EIF4B: variants seen among roughly 807,000 people sequenced by gnomAD.
EIF4B encodes eukaryotic translation initiation factor 4B.
Under a neutral mutation model 79.3 loss-of-function variants are expected in EIF4B, and 8 were observed. The observed-to-expected ratio is 0.10, with a 90% confidence interval of 0.06 to 0.18. EIF4B has a LOEUF of 0.18. EIF4B is among the 10% of genes least tolerant of loss of function. The pLI, the probability that EIF4B is intolerant of heterozygous loss-of-function variation, is 1.00. For missense variants in EIF4B, 515 were observed against 792.4 expected, an observed-to-expected ratio of 0.65 and a Z score of 4.20; for synonymous variants, 238 against 274.7, an observed-to-expected ratio of 0.87 and a Z score of 1.32.
intron 3 of EIF4B, 135 bp downstream of exon 3, chr12:53,019,141 G>A: frequency 2.8e-6 from 3 of 1,090,312 alleles, no homozygotes; most frequent in Non-Finnish European, 3.9e-6. Flanking sequence ...GCTCACGCCT[G>A]TAATCCCAGC....
chr12:53,017,252 C>CAA (rs57053490), intron 2 of EIF4B, among the ~76,000 whole-genome samples: 1 of 143,100 alleles, frequency 7.0e-6, no homozygotes. Context: ...GACTCCATCT[C>CAA]AAAAAAAAAA....
At chr12:53,022,352 C>A in intron 5 of EIF4B, 141 bp from the exon 6 acceptor site, 1 of 1,226,276 alleles carries the variant, frequency 8.2e-7, no homozygotes, top group Non-Finnish European at 1.2e-6. Flanking sequence ...GGAGCATGTA[C>A]TTATGGGGCC....
chr12:53,026,028 G>A (rs1273452441), intron 6 of EIF4B, among the ~76,000 whole-genome samples: 5 of 152,130 alleles, frequency 3.3e-5, no homozygotes, highest in Non-Finnish European at 5.9e-5. Flanking sequence ...GGACCCGGGA[G>A]GTGGAGGTTG....
chr12:53,020,097 A>AT, intron 4 of EIF4B, 71 bp downstream of exon 4: 1 of 1,321,468 alleles, frequency 7.6e-7, no homozygotes, highest in African/African-American at 1.5e-5. Flanking sequence ...TCAAACTGGT[A>AT]TTTTTTAGGT....
chr12:53,008,663 A>G (rs555502004), intron 1 of EIF4B: 2 of 152,368 alleles, frequency 1.3e-5, no homozygotes, highest in South Asian at 2.1e-4. Context: ...AGAACTAACT[A>G]TAGAATGAGG....
At chr12:53,030,523 G>A (rs1304660384) in intron 8 of EIF4B, among the ~76,000 whole-genome samples, 2 of 139,926 alleles carry the variant, frequency 1.4e-5, no homozygotes, top group Non-Finnish European at 1.5e-5. Flanking sequence ...CCAGGTTCAA[G>A]TGATTCTCCT....
Position 53,027,767 on chromosome 12 carries a change from G to C in EIF4B, c.668-15G>C. The C allele has an allele frequency of 1.2e-6, 2 of 1,609,440 alleles. No homozygotes were observed. Among genetic ancestry groups the C allele is most frequent in the South Asian group, 1.1e-5 (1 of 90,956 alleles). ...CAGAGAAAAGGGGATGGTGTTACTT[G>C]TCTGTTTCCTCTAGAGTATCGAGAT... On this transcript the variant is annotated splice_polypyrimidine_tract_variant and intron_variant, in intron 6 of 14. Transcript: ENST00000262056.
At chr12:53,020,744 AATTG>A (rs1943234924) in intron 4 of EIF4B, among the ~76,000 whole-genome samples, 1 of 152,198 alleles carries the variant, frequency 6.6e-6, no homozygotes, top group South Asian at 2.1e-4. Context: ...GCTGCCTCAT[AATTG>A]ATTACCATCA....
At chr12:53,022,696 G>T in intron 6 of EIF4B, 69 bp downstream of exon 6, 1 of 1,538,386 alleles carries the variant, frequency 6.5e-7, no homozygotes, top group South Asian at 1.2e-5. Context: ...GGACAAATGT[G>T]TTACAGATGA....
At chr12:53,039,461 C>T in intron 13 of EIF4B, 118 bp downstream of exon 13, 1 of 1,211,060 alleles carries the variant, frequency 8.3e-7, no homozygotes. Flanking sequence ...CTAAAGTCAG[C>T]CAACGTAGAC....
At position 53,022,747 on chromosome 12, in the gene EIF4B, GAA is replaced by G. The variant is rs1287885969; in HGVS notation, c.667+124_667+125del. The G allele has an allele frequency of 2.4e-6, 3 of 1,275,706 alleles. No homozygotes were observed. In the South Asian group the frequency reaches 7.1e-5, roughly 30 times the overall value. 79.0% of individuals were successfully genotyped at this position (1,275,706 alleles called of 1,614,324 possible). A position where few individuals can be genotyped will look rare whatever the true frequency, so the allele number is the denominator to read the frequency against. On this transcript the variant is annotated intron_variant, in intron 6 of 14. Coordinates refer to ENST00000262056, the MANE Select transcript of EIF4B (RefSeq NM_001417.7). The stretch of plus-strand genomic sequence containing the variant: ...AGATAGAAGGAGGAAAGCAGATTAA[GAA>G]AAATTTTGGATAGTATCTGAAAGAA...
At chr12:53,010,269 A>C (rs1014699690) in intron 1 of EIF4B, among the ~76,000 whole-genome samples, 5 of 152,222 alleles carry the variant, frequency 3.3e-5, no homozygotes. Context: ...ACGGGGGTCA[A>C]GATGGTGGAG....
In EIF4B at chr12:53,022,534, T is replaced by G; in HGVS notation, c.574T>G (p.Ser192Ala). Residue 192 changes from serine (S) to alanine (A), a missense_variant, in exon 6 of 15, where the codon TCT becomes GCT. Physicochemically the swap from Ser to Ala is moderately conservative, Grantham distance 99. This residue lies in a region of EIF4B where 187 missense variants were observed against 256.5 expected (regional missense o/e 0.73). Coordinates refer to ENST00000262056, the MANE Select transcript of EIF4B (RefSeq NM_001417.7). Reference sequence around the variant, plus strand: ...TTTTGGCCGTGATAGAAATCGGGATTCTGACAAAACAGATACAGACTGGAG... The same window carrying G: ...TTTTGGCCGTGATAGAAATCGGGATGCTGACAAAACAGATACAGACTGGAG... ...RSFGRDRNRD[S>A]DKTDTDWRAR... is the part of the protein sequence containing the mutation. 1 of 1,613,420 alleles carries G rather than the reference T, an allele frequency of 6.2e-7. No individual in the cohort carries two copies.
chr12:53,013,505 G>A (rs1943099009), intron 1 of EIF4B: 1 of 152,188 alleles, frequency 6.6e-6, no homozygotes, highest in African/African-American at 2.4e-5. Flanking sequence ...TTGCATATGA[G>A]GCTGGGCACA....
chr12:53,030,330 A>G (rs556447710), intron 8 of EIF4B, among the ~76,000 whole-genome samples: 25 of 148,852 alleles, frequency 1.7e-4, no homozygotes, highest in African/African-American at 4.4e-4. Context: ...CAGTTAGCCA[A>G]GGTCTCATTT....
chr12:53,016,366 A>T, intron 1 of EIF4B, 107 bp from the exon 2 acceptor site: 1 of 1,411,826 alleles, frequency 7.1e-7, no homozygotes, highest in South Asian at 1.3e-5. Context: ...CCATTTGAGG[A>T]GCGTCCATGT....
intron 3 of EIF4B, among the ~76,000 whole-genome samples, chr12:53,019,441 T>TTC (rs1943206703): frequency 9.2e-6 from 1 of 108,364 alleles, no homozygotes; most frequent in Non-Finnish European, 1.8e-5. Flanking sequence ...ATATATATTT[T>TTC]TTTTTTTTCT....
At chr12:53,037,697 T>G in intron 11 of EIF4B, 75 bp downstream of exon 11, 20 of 1,510,714 alleles carry the variant, frequency 1.3e-5, no homozygotes, top group Non-Finnish European at 1.7e-5. Context: ...GAAGATCTCC[T>G]ACGGGATGCC....
intron 9 of EIF4B, 122 bp downstream of exon 9, chr12:53,034,156 A>G: frequency 3.1e-6 from 3 of 981,198 alleles, no homozygotes; most frequent in South Asian, 3.3e-5. Flanking sequence ...ACTGATGGGC[A>G]TTTAGTGGGC....
Sources: allele counts gnomAD v4.1 joint callset (sites outside exome capture counted in the v4.1 genomes callset), GRCh38; gene constraint gnomAD v4.1.1; regional missense constraint gnomAD v4.1.1; transcripts MANE v1.5; gene names NCBI Gene and HGNC (gene_info 2026-07-23, HGNC 2026-07-21).